PON3: variants seen among roughly 807,000 people sequenced by gnomAD.
The protein encoded by PON3 is paraoxonase 3.
Under a neutral mutation model 36.3 loss-of-function variants are expected in PON3, and 37 were observed. That is an observed-to-expected ratio of 1.02 (90% CI 0.78 to 1.34). The LOEUF (loss-of-function observed/expected upper bound fraction) is 1.34, where lower values mean the gene tolerates loss of function less well. PON3 is among the 40% of genes most tolerant of loss of function. The probability of loss-of-function intolerance (pLI) is 0.00; values close to 1 mark genes in which losing one functional copy is unlikely to be tolerated. For synonymous variants in PON3, 155 were observed against 154.8 expected (o/e 1.00, Z -0.01); for missense variants, 415 against 426.5 (o/e 0.97, Z 0.24).
At position 95,367,507 on chromosome 7, in the gene PON3, T is replaced by C. The variant is rs1188792796; in HGVS notation, c.368-19A>G. ...GTATTGTCTACATGGAAAAAAGGGA[T>C]AATTTCCAAGAAAGTTACCCCTATC... On this transcript the variant is annotated intron_variant, in intron 4 of 8. Coordinates refer to ENST00000265627, the MANE Select transcript of PON3 (RefSeq NM_000940.3). The C allele has an allele frequency of 6.2e-7, 1 of 1,611,624 alleles. No individual in the cohort carries two copies. Among genetic ancestry groups the C allele is most frequent in the Non-Finnish European group, 8.5e-7 (1 of 1,178,940 alleles).
Position 95,360,134 on chromosome 7 carries a change from G to A in PON3, c.907-3C>T. 2 of 1,611,820 alleles carry A rather than the reference G, an allele frequency of 1.2e-6. No homozygotes were observed. The highest frequency in any genetic ancestry group is 1.7e-5 in the Admixed American group (1 of 60,008). On this transcript the variant is annotated splice_polypyrimidine_tract_variant and splice_region_variant and intron_variant, in intron 8 of 8. Transcript: ENST00000265627. ...AAAACATTCTGGATGCGAAGTACCT[G>A]TCGAGAAAAGATCGTTTATTAGTAT...
In PON3 at chr7:95,383,444, C is replaced by T. The variant is rs28806617; in HGVS notation, c.201+6710G>A. Among the ~76,000 whole-genome samples the T allele has an allele frequency of 2.6e-3, 395 of 152,238 alleles. 1 individual carries two copies. Among genetic ancestry groups the T allele is most frequent in the African/African-American group, 8.8e-3 (364 of 41,542 alleles). On this transcript the variant is annotated intron_variant, in intron 3 of 8. Transcript: ENST00000265627. ...GTTTGCAGATGACATGATTGTATAT[C>T]TAGAAAACCCCATTGTCTCAGCCCA...
chr7:95,388,003 A>G (rs1330266030), intron 3 of PON3, among the ~76,000 whole-genome samples: 4 of 152,170 alleles, frequency 2.6e-5, no homozygotes, highest in Non-Finnish European at 4.4e-5. Flanking sequence ...TAAAGACTTA[A>G]ATGTAAGACC....
At chr7:95,377,990 C>T (rs750529489) in intron 3 of PON3, among the ~76,000 whole-genome samples, 3 of 152,124 alleles carry the variant, frequency 2.0e-5, no homozygotes, top group Non-Finnish European at 4.4e-5. Context: ...TAACCCATCA[C>T]AAGGAAGCTA....
chr7:95,390,745 T>C (rs530023833), intron 2 of PON3, among the ~76,000 whole-genome samples: 15 of 152,322 alleles, frequency 9.8e-5, no homozygotes, highest in African/African-American at 3.4e-4. Flanking sequence ...AATATTAATA[T>C]GAAAGTTTAG....
chr7:95,362,500 AAG>A lies in PON3; in HGVS notation c.778-12_778-11del, dbSNP rs1308105541. The A allele has an allele frequency of 6.2e-7, 1 of 1,613,478 alleles. No individual in the cohort carries two copies. Among genetic ancestry groups the A allele is most frequent in the Admixed American group, 1.7e-5 (1 of 59,976 alleles). ...TGCCCAACTGTATCACCTTACAACA[AAG>A]AGGGAGTAGTGAAGACATTGTCTCA... On this transcript the variant is annotated splice_polypyrimidine_tract_variant and intron_variant, in intron 7 of 8. Coordinates refer to ENST00000265627, the MANE Select transcript of PON3 (RefSeq NM_000940.3).
intron 3 of PON3, among the ~76,000 whole-genome samples, chr7:95,382,071 T>A (rs1809068638): frequency 6.6e-6 from 1 of 152,162 alleles, no homozygotes; most frequent in African/African-American, 2.4e-5. Flanking sequence ...CTGAGCTACA[T>A]GGAAACTGAA....
intron 3 of PON3, among the ~76,000 whole-genome samples, chr7:95,384,615 G>T (rs1038081385): frequency 4.9e-4 from 74 of 152,090 alleles, no homozygotes; most frequent in African/African-American, 1.8e-3. Flanking sequence ...ATCATCACTG[G>T]CCATCAGAGA....
chr7:95,382,986 T>C (rs2116409159), intron 3 of PON3, among the ~76,000 whole-genome samples: 1 of 152,094 alleles, frequency 6.6e-6, no homozygotes, highest in African/African-American at 2.4e-5. Flanking sequence ...CAGCAGCACA[T>C]CAAAAAGCTT....
At chr7:95,381,110 C>T (rs1480547564) in intron 3 of PON3, among the ~76,000 whole-genome samples, 4 of 152,076 alleles carry the variant, frequency 2.6e-5, no homozygotes, top group Non-Finnish European at 4.4e-5. Flanking sequence ...CTAAGCTTCA[C>T]AAGTGAAGGA....
rs763942841 is a variant in PON3 at position 95,396,290 on chromosome 7, A to C, written c.61T>G (p.Phe21Val). 1 of 1,613,966 alleles carries C rather than the reference A, an allele frequency of 6.2e-7. No homozygotes were observed. The highest frequency in any genetic ancestry group is 1.1e-5 in the South Asian group (1 of 91,076). ...GVGLSLVGEM[F>V]LAFRERVNAS... ...GATGCCACTCACCTAAACGCCAGGA[A>C]CATCTCCCCGACTAAGGACAGGCCG... The change falls in exon 1 of 9, where the codon TTC becomes GTC. Residue 21 changes from phenylalanine to valine, a missense_variant. Phe to Val is a conservative substitution (Grantham distance 50, BLOSUM62 -1). Coordinates refer to ENST00000265627, the MANE Select transcript of PON3 (RefSeq NM_000940.3).
At chr7:95,379,302 C>T (rs1050009804) in intron 3 of PON3, among the ~76,000 whole-genome samples, 5 of 152,218 alleles carry the variant, frequency 3.3e-5, no homozygotes, top group South Asian at 2.1e-4. Context: ...GTGATTTCTG[C>T]ATTTCCAACT....
chr7:95,392,140 C>A (rs1342467945), intron 2 of PON3, among the ~76,000 whole-genome samples: 2 of 152,202 alleles, frequency 1.3e-5, no homozygotes, highest in African/African-American at 4.8e-5. Flanking sequence ...AGTCACCAGG[C>A]CTTTGATAAA....
intron 8 of PON3, 48 bp downstream of exon 8, chr7:95,362,314 T>A (rs770313880): frequency 1.2e-6 from 2 of 1,609,958 alleles, no homozygotes; most frequent in Admixed American, 1.7e-5. Flanking sequence ...CCCAACAAAT[T>A]TGTTCTTGCA....
chr7:95,396,276 C>G lies in PON3; in HGVS notation c.74+1G>C. ...AGACGCCCTGTCAAGATGCCACTCA[C>G]CTAAACGCCAGGAACATCTCCCCGA... On this transcript the variant is annotated splice_donor_variant, in intron 1 of 8. Coordinates refer to ENST00000265627, the MANE Select transcript of PON3 (RefSeq NM_000940.3). LOFTEE classifies it high-confidence loss of function. The G allele has an allele frequency of 6.2e-7, 1 of 1,614,044 alleles. No homozygotes were observed. Among genetic ancestry groups the G allele is most frequent in the Non-Finnish European group, 8.5e-7 (1 of 1,179,980 alleles).
chr7:95,360,786 A>G (rs1291592376), intron 8 of PON3, among the ~76,000 whole-genome samples: 1 of 152,194 alleles, frequency 6.6e-6, no homozygotes, highest in Admixed American at 6.5e-5. Context: ...GAATTAAAGG[A>G]AAACAATTAG....
At position 95,394,734 on chromosome 7, in the gene PON3, A is replaced by G. The variant is rs11970910; in HGVS notation, c.75-20T>C. ...CTTTCTCTGTAGAAGATAAAACCCA[A>G]CCCTGGAAGTCAAGGCACAGCATTC... On this transcript the variant is annotated intron_variant, in intron 1 of 8. Coordinates refer to ENST00000265627, the MANE Select transcript of PON3 (RefSeq NM_000940.3). The G allele has an allele frequency of 0.5, 797,272 of 1,608,082 alleles. 203,332 individuals are homozygous for G. The highest frequency in any genetic ancestry group is 0.79 in the East Asian group (35,606 of 44,844).
chr7:95,363,607 G>T lies in PON3; in HGVS notation c.695+256C>A, dbSNP rs1226285006. ...AGTGTGTTAGGAAAGTGTGTTTCAA[G>T]AGTTATGTAAAAATTTGGAATGAGG... On this transcript the variant is annotated intron_variant, in intron 6 of 8. Coordinates refer to ENST00000265627, the MANE Select transcript of PON3 (RefSeq NM_000940.3). 1.4e-5 allele frequency: 7 copies of T among 515,558 alleles called. No homozygotes were observed. In the Admixed American group the frequency reaches 2.2e-4, roughly 16 times the overall value. 31.9% of individuals were successfully genotyped at this position (515,558 alleles called of 1,614,324 possible).
intron 2 of PON3, among the ~76,000 whole-genome samples, chr7:95,393,392 T>C (rs1354951949): frequency 6.6e-6 from 1 of 152,194 alleles, no homozygotes; most frequent in Non-Finnish European, 1.5e-5. Flanking sequence ...CAGCTGATTT[T>C]AGTAAGCAGA....
Sources: allele counts gnomAD v4.1 joint callset (sites outside exome capture counted in the v4.1 genomes callset), GRCh38; gene constraint gnomAD v4.1.1; transcripts MANE v1.5; gene names NCBI Gene and HGNC (gene_info 2026-07-23, HGNC 2026-07-21).